GNAO1: variants seen among roughly 807,000 people sequenced by gnomAD.
The protein encoded by GNAO1 is guanine nucleotide-binding protein G(o) subunit alpha.
For synonymous variants in GNAO1, 164 were observed against 180.7 expected (o/e 0.91, Z 0.74); for missense variants, 166 against 478.7 (o/e 0.35, Z 6.10).
At chr16:56,213,259 T>C (rs976120671) in intron 2 of GNAO1, 20 of 398,624 alleles carry the variant, frequency 5.0e-5, no homozygotes, top group African/African-American at 1.0e-4. Flanking sequence ...CTTTTTTTTT[T>C]CCCACTCTGC....
intron 3 of GNAO1, among the ~76,000 whole-genome samples, chr16:56,280,800 G>A (rs2037106913): frequency 6.6e-6 from 1 of 152,190 alleles, no homozygotes; most frequent in Non-Finnish European, 1.5e-5. Flanking sequence ...AGGCCGGGTG[G>A]GGCCGGACCA....
intron 2 of GNAO1, among the ~76,000 whole-genome samples, chr16:56,237,702 C>T (rs1312200783): frequency 6.6e-6 from 1 of 151,936 alleles, no homozygotes; most frequent in Non-Finnish European, 1.5e-5. Context: ...ACTTCAGCTC[C>T]AACAAAACCA....
chr16:56,315,471 A>G (rs968932880), intron 3 of GNAO1, among the ~76,000 whole-genome samples: 2 of 152,138 alleles, frequency 1.3e-5, no homozygotes, highest in Non-Finnish European at 2.9e-5. Flanking sequence ...CATTCACCTT[A>G]AAGCTTTTTT....
chr16:56,285,203 A>C (rs1017054131), intron 3 of GNAO1, among the ~76,000 whole-genome samples: 1 of 152,250 alleles, frequency 6.6e-6, no homozygotes, highest in African/African-American at 2.4e-5. Flanking sequence ...GCAAGCGGTG[A>C]TGCCTTGCGC....
chr16:56,321,994 A>C (rs1405326304), intron 3 of GNAO1, among the ~76,000 whole-genome samples: 1 of 152,172 alleles, frequency 6.6e-6, no homozygotes, highest in Non-Finnish European at 1.5e-5. Flanking sequence ...GTTCAAGATG[A>C]AGGTGCTGGC....
intron 6 of GNAO1, chr16:56,340,590 G>A: frequency 2.0e-6 from 1 of 495,146 alleles, no homozygotes; most frequent in East Asian, 3.3e-5. Context: ...TTGGAAGGGG[G>A]CAGCATCCCC....
intron 2 of GNAO1, among the ~76,000 whole-genome samples, chr16:56,259,135 G>A (rs2036880357): frequency 6.6e-6 from 1 of 152,224 alleles, no homozygotes; most frequent in African/African-American, 2.4e-5. Context: ...CAGGAAGAAA[G>A]CCTTGTTTCA....
At chr16:56,247,163 G>A (rs372235685) in intron 2 of GNAO1, among the ~76,000 whole-genome samples, 26 of 152,164 alleles carry the variant, frequency 1.7e-4, no homozygotes, top group East Asian at 9.6e-4. Context: ...AGCATGGCCC[G>A]TCAGCAGAGC....
chr16:56,211,333 G>A (rs530179821), intron 2 of GNAO1, among the ~76,000 whole-genome samples: 20 of 152,286 alleles, frequency 1.3e-4, no homozygotes, highest in Non-Finnish European at 2.2e-4. Context: ...ACGGTTGGAG[G>A]AGTGCTGTTG....
chr16:56,224,700 C>T (rs527468005), intron 2 of GNAO1, among the ~76,000 whole-genome samples: 1 of 152,304 alleles, frequency 6.6e-6, no homozygotes, highest in East Asian at 1.9e-4. Context: ...AGGCTAGTCT[C>T]GAACTCCTGA....
intron 6 of GNAO1, chr16:56,344,718 GC>G: frequency 1.0e-6 from 1 of 985,570 alleles, no homozygotes; most frequent in Non-Finnish European, 1.2e-6. Flanking sequence ...GGGGCCTCCC[GC>G]CCAGTCCTCG....
At chr16:56,222,891 GC>G in intron 2 of GNAO1, among the ~76,000 whole-genome samples, 1 of 152,224 alleles carries the variant, frequency 6.6e-6, no homozygotes, top group Middle Eastern at 3.4e-3. Flanking sequence ...CAGGCATGGT[GC>G]CTGATATCAC....
intron 6 of GNAO1, chr16:56,345,456 C>A: frequency 1.0e-6 from 1 of 985,760 alleles, no homozygotes. Flanking sequence ...CGGGAAGCAC[C>A]AGTGCCAACA....
chr16:56,250,566 C>T (rs928545138), intron 2 of GNAO1, among the ~76,000 whole-genome samples: 2 of 152,204 alleles, frequency 1.3e-5, no homozygotes, highest in African/African-American at 4.8e-5. Flanking sequence ...AGTCATCCTG[C>T]TTTCATTGAG....
chr16:56,344,038 C>G, intron 6 of GNAO1: 1 of 1,556,232 alleles, frequency 6.4e-7, no homozygotes, highest in Non-Finnish European at 8.7e-7. Flanking sequence ...TCAGACCACT[C>G]TTTGCACTTG....
At chr16:56,243,117 G>A (rs1169965560) in intron 2 of GNAO1, among the ~76,000 whole-genome samples, 7 of 151,700 alleles carry the variant, frequency 4.6e-5, no homozygotes, top group South Asian at 2.1e-4. Context: ...ACCCCTAGAC[G>A]GGACCATCTA....
In GNAO1 at chr16:56,356,357, C is replaced by T. The variant is rs562393182; in HGVS notation, c.*283C>T. ...AAAAAAGGAAAACTCACCATTTCAT[C>T]CATATTTCTTTTTCTTGCAAAACAA... On this transcript the variant is annotated 3_prime_UTR_variant, in exon 9 of 9. Coordinates refer to ENST00000262493, the MANE Select transcript of GNAO1 (RefSeq NM_020988.3). The T allele has an allele frequency of 6.5e-6, 1 of 152,784 alleles. No homozygotes were observed. Among genetic ancestry groups the T allele is most frequent in the South Asian group, 2.1e-4 (1 of 4,828 alleles). The allele number at this position is 152,784 out of a possible 1,614,324, so 9.5% of individuals were successfully genotyped here.
chr16:56,272,829 G>A (rs1349246952), intron 2 of GNAO1, among the ~76,000 whole-genome samples: 3 of 152,174 alleles, frequency 2.0e-5, no homozygotes, highest in Admixed American at 6.5e-5. Flanking sequence ...CCAGCCATAG[G>A]TCTAGAGAAC....
intron 2 of GNAO1, among the ~76,000 whole-genome samples, chr16:56,265,324 C>T (rs2143494254): frequency 6.6e-6 from 1 of 152,210 alleles, no homozygotes; most frequent in East Asian, 1.9e-4. Context: ...CCTGGTGCCC[C>T]TCTTATGCAT....
Sources: gnomAD v4.1 joint callset for allele counts (sites outside exome capture counted in the v4.1 genomes callset) on GRCh38, gnomAD v4.1.1 for gene constraint, MANE v1.5 for transcripts, NCBI Gene and HGNC (gene_info 2026-07-23, HGNC 2026-07-21) for gene names.